Variants in FANCL observed in about 807,000 individuals in gnomAD.
The protein encoded by FANCL is FA complementation group L.
FANCL carries 69 observed loss-of-function variants against 59.4 expected under a neutral mutation model. The observed-to-expected ratio is 1.16, with a 90% confidence interval of 0.96 to 1.42. The LOEUF is 1.42. Among genes scored for constraint, FANCL ranks in the 40% most tolerant of loss-of-function variants. The pLI is 0.00. For synonymous variants in FANCL, 180 were observed against 147.1 expected (o/e 1.22, Z -1.62); for missense variants, 519 against 447.2 (o/e 1.16, Z -1.45).
In FANCL at chr2:58,226,708, G is replaced by C; in HGVS notation, c.273+20C>G. On this transcript the variant is annotated intron_variant, in intron 4 of 13. Coordinates refer to ENST00000233741, the MANE Select transcript of FANCL (RefSeq NM_018062.4). ...GACTTGCAGTATGGTAACAGTGTCA[G>C]AAAAAAAAAAAATTCTTACCAAAAG... The C allele has an allele frequency of 7.3e-7, 1 of 1,370,432 alleles. No homozygotes were observed. Among genetic ancestry groups the C allele is most frequent in the Non-Finnish European group, 1.0e-6 (1 of 994,248 alleles). The allele number at this position is 1,370,432 out of a possible 1,614,324, so 84.9% of individuals were successfully genotyped here. A position where few individuals can be genotyped will look rare whatever the true frequency, so the allele number is the denominator to read the frequency against.
At chr2:58,211,775 C>T (rs1444415474) in intron 5 of FANCL, among the ~76,000 whole-genome samples, 1 of 152,182 alleles carries the variant, frequency 6.6e-6, no homozygotes, top group African/African-American at 2.4e-5. Context: ...AAAATACCAC[C>T]AGCCTCTTTG....
At position 58,211,226 on chromosome 2, in the gene FANCL, T is replaced by G. The variant is rs192128277; in HGVS notation, c.375-7000A>C. Among the ~76,000 whole-genome samples, 534 of 152,310 alleles carry G rather than the reference T, an allele frequency of 3.5e-3. 8 individuals carry two copies. Among genetic ancestry groups the G allele is most frequent in the African/African-American group, 0.012 (509 of 41,550 alleles). ...CTAGGCGGAGGTTCTGAAACCTCAGTTCTGGACTTCTGTGCACCCACAGGC... is the reference window on the plus strand; with the variant it reads ...CTAGGCGGAGGTTCTGAAACCTCAGGTCTGGACTTCTGTGCACCCACAGGC... On this transcript the variant is annotated intron_variant, in intron 5 of 13. Coordinates refer to ENST00000233741, the MANE Select transcript of FANCL (RefSeq NM_018062.4).
rs1455303150 is a variant in FANCL, at chr2:58,159,524, A to ACACTTC, written c.*235_*240dup. ...TCAAGATCTCCATCTTGGTATAAATACACTTCCACAGTCAGCACGGGGATC... is the reference window on the plus strand; with the variant it reads ...TCAAGATCTCCATCTTGGTATAAATACACTTCCACTTCCACAGTCAGCACGGGGATC... On this transcript the variant is annotated 3_prime_UTR_variant, in exon 14 of 14. Transcript: ENST00000233741. 17 of 1,613,700 alleles carry ACACTTC rather than the reference A, an allele frequency of 1.1e-5. No individual in the cohort carries two copies. Among genetic ancestry groups the ACACTTC allele is most frequent in the Non-Finnish European group, 1.4e-5 (17 of 1,179,824 alleles).
rs1392988252 is a variant in FANCL, at chr2:58,202,270, G to T, written c.471+1860C>A. Among the ~76,000 whole-genome samples the T allele has an allele frequency of 3.1e-4, 42 of 135,470 alleles. 1 individual carries two copies. Among genetic ancestry groups the T allele is most frequent in the Admixed American group, 2.4e-3 (33 of 13,522 alleles). The allele number at this position is 135,470 out of a possible 152,430, so 88.9% of individuals were successfully genotyped here. On this transcript the variant is annotated intron_variant, in intron 6 of 13. Coordinates refer to ENST00000233741, the MANE Select transcript of FANCL (RefSeq NM_018062.4). ...AAAAAAAAAAAAAAAAAGACTTCCT[G>T]GTTTTCTTCAAATTCTCATGTTTCC...
At position 58,159,346 on chromosome 2, in the gene FANCL, T is replaced by C. The variant is rs766854274; in HGVS notation, c.*419A>G. 2 of 1,588,722 alleles carry C rather than the reference T, an allele frequency of 1.3e-6. No homozygotes were observed. Among genetic ancestry groups the C allele is most frequent in the African/African-American group, 1.4e-5 (1 of 73,118 alleles). ...CTAAACTATATATGTATTTTTTCCATAGGAAAGCACAAGGAGAAGACAGAA... is the reference window on the plus strand; with the variant it reads ...CTAAACTATATATGTATTTTTTCCACAGGAAAGCACAAGGAGAAGACAGAA... On this transcript the variant is annotated 3_prime_UTR_variant, in exon 14 of 14. Coordinates refer to ENST00000233741, the MANE Select transcript of FANCL (RefSeq NM_018062.4).
chr2:58,209,951 C>G (rs1690959272), intron 5 of FANCL, among the ~76,000 whole-genome samples: 2 of 152,142 alleles, frequency 1.3e-5, no homozygotes, highest in Admixed American at 6.6e-5. Context: ...TCTCCCAGTT[C>G]GCACATCAGA....
In FANCL at chr2:58,159,771, T is replaced by C. The variant is rs1183665358; in HGVS notation, c.1122A>G (p.Lys374=). ...KPITLKMSGR[K]H is the part of the protein sequence containing the mutation. Reference sequence around the variant, plus strand: ...GAAATGTTGTATTCTTATTTCAGTGTTTCCTTCCAGACATTTTTAAGGTAA... The same window carrying C: ...GAAATGTTGTATTCTTATTTCAGTGCTTCCTTCCAGACATTTTTAAGGTAA... Residue 374 remains lysine (K), a synonymous_variant, in exon 14 of 14, where the codon AAA becomes AAG. Coordinates refer to ENST00000233741, the MANE Select transcript of FANCL (RefSeq NM_018062.4). 1 of 1,613,152 alleles carries C rather than the reference T, an allele frequency of 6.2e-7. No homozygotes were observed. The highest frequency in any genetic ancestry group is 1.3e-5 in the African/African-American group (1 of 74,914).
chr2:58,171,204 C>T (rs952280734), intron 7 of FANCL, among the ~76,000 whole-genome samples: 1 of 152,180 alleles, frequency 6.6e-6, no homozygotes, highest in Non-Finnish European at 1.5e-5. Context: ...AATTAGAACT[C>T]AGGATTAAGA....
chr2:58,170,280 C>T (rs1031528827), intron 7 of FANCL, among the ~76,000 whole-genome samples: 8 of 152,154 alleles, frequency 5.3e-5, no homozygotes, highest in Non-Finnish European at 4.4e-5. Context: ...CCTATCCCGC[C>T]AAACTAACCT....
At chr2:58,234,244 T>A (rs908075303) in intron 1 of FANCL, among the ~76,000 whole-genome samples, 5 of 152,078 alleles carry the variant, frequency 3.3e-5, no homozygotes, top group Non-Finnish European at 5.9e-5. Flanking sequence ...TAAGTGAGCA[T>A]TTGTATCCAG....
At chr2:58,188,345 T>G (rs1688609283) in intron 7 of FANCL, among the ~76,000 whole-genome samples, 1 of 152,210 alleles carries the variant, frequency 6.6e-6, no homozygotes, top group African/African-American at 2.4e-5. Flanking sequence ...TCTTCTAACT[T>G]TTTTTCTTTT....
chr2:58,188,132 C>T (rs1436704392), intron 7 of FANCL, among the ~76,000 whole-genome samples: 1 of 152,106 alleles, frequency 6.6e-6, no homozygotes, highest in Non-Finnish European at 1.5e-5. Flanking sequence ...TTACAGATAT[C>T]TAATTGTCTC....
chr2:58,174,239 A>T (rs983667744), intron 7 of FANCL, among the ~76,000 whole-genome samples: 2 of 152,200 alleles, frequency 1.3e-5, no homozygotes, highest in Non-Finnish European at 2.9e-5. Flanking sequence ...CAAGACAGAA[A>T]GTTAACAAGG....
At chr2:58,238,592 A>C (rs1157130834) in intron 1 of FANCL, among the ~76,000 whole-genome samples, 5 of 152,222 alleles carry the variant, frequency 3.3e-5, no homozygotes, top group African/African-American at 1.2e-4. Context: ...ACTCAAAAGG[A>C]AAGAGAAAAT....
intron 4 of FANCL, among the ~76,000 whole-genome samples, chr2:58,226,067 C>T (rs748535670): frequency 2.0e-5 from 3 of 152,018 alleles, no homozygotes; most frequent in Non-Finnish European, 4.4e-5. Context: ...GGGATACATA[C>T]AATATCCAGA....
chr2:58,198,071 G>A (rs1476557879), intron 7 of FANCL, among the ~76,000 whole-genome samples: 2 of 151,802 alleles, frequency 1.3e-5, no homozygotes, highest in African/African-American at 4.8e-5. Context: ...ATTTATGCAT[G>A]GGTGTGGGTG....
At chr2:58,222,844 G>A (rs1558814887) in intron 4 of FANCL, among the ~76,000 whole-genome samples, 1 of 151,736 alleles carries the variant, frequency 6.6e-6, no homozygotes, top group East Asian at 1.9e-4. Flanking sequence ...ATTACAAAAA[G>A]TAAATAATTA....
At chr2:58,215,955 G>A (rs990465603) in intron 5 of FANCL, among the ~76,000 whole-genome samples, 1 of 151,990 alleles carries the variant, frequency 6.6e-6, no homozygotes, top group African/African-American at 2.4e-5. Flanking sequence ...GGAATTCAGG[G>A]CCTACCAGTG....
At chr2:58,162,293 TTAC>T (rs1002020161) in intron 11 of FANCL, among the ~76,000 whole-genome samples, 2 of 151,878 alleles carry the variant, frequency 1.3e-5, no homozygotes, top group Non-Finnish European at 2.9e-5. Context: ...TCACAAACAC[TTAC>T]ATCAAGCTAA....
Sources: allele counts gnomAD v4.1 joint callset (sites outside exome capture counted in the v4.1 genomes callset), GRCh38; gene constraint gnomAD v4.1.1; transcripts MANE v1.5; gene names NCBI Gene and HGNC (gene_info 2026-07-23, HGNC 2026-07-21).